Variants in DAB1 observed in about 807,000 individuals in gnomAD.
DAB1 encodes disabled homolog 1.
In DAB1, 15 loss-of-function variants were observed where a neutral mutation model predicts 64.6. The ratio of observed to expected loss-of-function variants is 0.23; its 90% CI spans 0.16 to 0.36. The LOEUF (loss-of-function observed/expected upper bound fraction) is 0.36. DAB1 is among the 10% of genes least tolerant of loss of function. The pLI, the probability that DAB1 is intolerant of heterozygous loss-of-function variation, is 1.00. For synonymous variants in DAB1, 235 were observed against 251.9 expected (o/e 0.93, Z 0.64); for missense variants, 596 against 706.7 (o/e 0.84, Z 1.78).
At chr1:57,165,956 G>A (rs1398338833) in intron 2 of DAB1, among the ~76,000 whole-genome samples, 1 of 152,216 alleles carries the variant, frequency 6.6e-6, no homozygotes, top group Non-Finnish European at 1.5e-5. Flanking sequence ...TGATGGATGG[G>A]TCAGGGCTGG....
intron 4 of DAB1, among the ~76,000 whole-genome samples, chr1:58,173,287 C>T (rs891649876): frequency 1.3e-5 from 2 of 152,188 alleles, no homozygotes; most frequent in African/African-American, 2.4e-5. Context: ...GAATTACACT[C>T]TACCACTTCA....
chr1:58,254,014 C>A (rs1308365607), intron 4 of DAB1, among the ~76,000 whole-genome samples: 1 of 152,072 alleles, frequency 6.6e-6, no homozygotes, highest in East Asian at 1.9e-4. Context: ...TAGTTAGTGG[C>A]TGGAGAAAAA....
intron 3 of DAB1, among the ~76,000 whole-genome samples, chr1:58,355,148 G>A (rs1368043278): frequency 6.6e-6 from 1 of 152,156 alleles, no homozygotes; most frequent in Non-Finnish European, 1.5e-5. Flanking sequence ...TCAAAGAGAT[G>A]TCTACAGACT....
At chr1:58,074,566 A>ATATATATATATG (rs1286683996) in intron 5 of DAB1, 12 of 10,994 alleles carry the variant, frequency 1.1e-3, no homozygotes, top group African/African-American at 3.3e-3. Flanking sequence ...ATATGTGTGT[A>ATATATATATATG]TATATATATA....
chr1:58,233,870 G>C (rs2100358105), intron 4 of DAB1, among the ~76,000 whole-genome samples: 1 of 152,288 alleles, frequency 6.6e-6, no homozygotes, highest in Non-Finnish European at 1.5e-5. Context: ...ACATATAACA[G>C]AGTATGAACG....
chr1:57,678,761 G>GTTTTTTTTTTTT (rs143885937), intron 6 of DAB1, among the ~76,000 whole-genome samples: 10 of 135,804 alleles, frequency 7.4e-5, no homozygotes, highest in Admixed American at 1.5e-4. Flanking sequence ...TGAGGCAACT[G>GTTTTTTTTTTTT]TTTTTTGTTT....
intron 1 of DAB1, among the ~76,000 whole-genome samples, chr1:57,368,977 A>T (rs536467647): frequency 1.3e-5 from 2 of 152,220 alleles, no homozygotes; most frequent in Non-Finnish European, 2.9e-5. Flanking sequence ...GGTGGGATTC[A>T]AAAGATGTAG....
intron 1 of DAB1, among the ~76,000 whole-genome samples, chr1:57,381,380 T>C (rs1000109516): frequency 6.6e-6 from 1 of 152,296 alleles, no homozygotes; most frequent in African/African-American, 2.4e-5. Context: ...TGTAATTACA[T>C]TGGAGTCCAC....
intron 3 of DAB1, among the ~76,000 whole-genome samples, chr1:58,428,949 C>A (rs1315038183): frequency 6.6e-6 from 1 of 152,180 alleles, no homozygotes; most frequent in East Asian, 1.9e-4. Context: ...CAAAGGGGCA[C>A]AAGGGAACTT....
At chr1:57,423,278 T>C (rs1570499981) in intron 1 of DAB1, among the ~76,000 whole-genome samples, 1 of 146,424 alleles carries the variant, frequency 6.8e-6, no homozygotes, top group African/African-American at 2.5e-5. Flanking sequence ...GGGGAGTGGA[T>C]GGAGGGGGAC....
At chr1:57,805,895 C>A (rs993719721) in intron 6 of DAB1, among the ~76,000 whole-genome samples, 1 of 152,148 alleles carries the variant, frequency 6.6e-6, no homozygotes, top group Admixed American at 6.5e-5. Flanking sequence ...TCTGGTTCAA[C>A]CATCATTATT....
intron 1 of DAB1, among the ~76,000 whole-genome samples, chr1:57,835,818 C>T (rs180746163): frequency 2.6e-5 from 4 of 152,256 alleles, no homozygotes; most frequent in South Asian, 2.1e-4. Context: ...CTGCTGTTTC[C>T]GAAAGACACC....
At chr1:58,292,469 C>T (rs1362937789) in intron 4 of DAB1, among the ~76,000 whole-genome samples, 1 of 152,064 alleles carries the variant, frequency 6.6e-6, no homozygotes, top group Non-Finnish European at 1.5e-5. Flanking sequence ...AATACATAGG[C>T]ACTAGGCTGA....
rs749888364 is a variant in DAB1 at position 57,015,221 on chromosome 1, G to A, written c.1106C>T (p.Thr369Ile). 9 of 1,614,120 alleles carry A rather than the reference G, an allele frequency of 5.6e-6. No homozygotes were observed. The highest frequency in any genetic ancestry group is 1.1e-5 in the South Asian group (1 of 91,070). Residue 369 changes from threonine (T) to isoleucine (I), a missense_variant, in exon 12 of 15, where the codon ACA (threonine) becomes ATA (isoleucine). This residue lies in a region of DAB1 where 377 missense variants were observed against 400.4 expected (regional missense o/e 0.94). Coordinates refer to ENST00000371236, the MANE Select transcript of DAB1 (RefSeq NM_001365792.1). ...AGCTGGCAAAGGCATAACAGTTTGT[G>A]TGGGCATGAAGGCGGCTGGCGGAAA... ...GQFPPAAFMP[T>I]QTVMPLPAAM... is the part of the protein sequence containing the mutation.
intron 1 of DAB1, among the ~76,000 whole-genome samples, chr1:57,366,604 A>G (rs1395646651): frequency 2.0e-5 from 3 of 152,236 alleles, no homozygotes; most frequent in Non-Finnish European, 4.4e-5. Context: ...ATAACTTTTA[A>G]TGGCTAATAC....
intron 4 of DAB1, among the ~76,000 whole-genome samples, chr1:58,154,991 A>G (rs1655143502): frequency 6.6e-6 from 1 of 152,210 alleles, no homozygotes; most frequent in Admixed American, 6.5e-5. Flanking sequence ...AGAGACTTAG[A>G]GGAGAAAACC....
intron 5 of DAB1, among the ~76,000 whole-genome samples, chr1:57,984,117 A>C (rs1468024591): frequency 6.6e-6 from 1 of 151,538 alleles, no homozygotes; most frequent in African/African-American, 2.4e-5. Context: ...AAAAAATATC[A>C]AGAAATAGGA....
At chr1:57,487,011 G>A (rs929574392) in intron 7 of DAB1, among the ~76,000 whole-genome samples, 4 of 151,268 alleles carry the variant, frequency 2.6e-5, no homozygotes, top group Non-Finnish European at 4.4e-5. Context: ...GTCAGGAACA[G>A]GTTCCCAAGG....
At chr1:57,017,996 C>A (rs1646490120) in intron 11 of DAB1, among the ~76,000 whole-genome samples, 1 of 152,042 alleles carries the variant, frequency 6.6e-6, no homozygotes, top group Non-Finnish European at 1.5e-5. Flanking sequence ...ATTTAGGAGG[C>A]CCAAGCATTG....
Sources: gnomAD v4.1 joint callset for allele counts (sites outside exome capture counted in the v4.1 genomes callset) on GRCh38, gnomAD v4.1.1 for gene constraint, gnomAD v4.1.1 regional missense constraint, MANE v1.5 for transcripts, NCBI Gene and HGNC (gene_info 2026-07-23, HGNC 2026-07-21) for gene names.